Variants in PLEKHG4B observed in about 807,000 individuals in gnomAD.
PLEKHG4B encodes the protein pleckstrin homology and RhoGEF domain containing G4B, also known as pleckstrin homology domain-containing family G member 4B.
A neutral mutation model predicts 121.3 loss-of-function variants in PLEKHG4B; 111 were observed. The observed-to-expected ratio is 0.92, with a 90% CI of 0.78 to 1.07. The LOEUF (loss-of-function observed/expected upper bound fraction) is 1.07, where lower values mean the gene tolerates loss of function less well. PLEKHG4B is among the 50% of genes least tolerant of loss of function. The pLI is 0.00. For synonymous variants in PLEKHG4B, 738 were observed against 725.0 expected (o/e 1.02, Z -0.29); for missense variants, 1,831 against 1,757.8 (o/e 1.04, Z -0.74).
chr5:144,761 G>T (rs926918749), intron 5 of PLEKHG4B, 66 bp from the exon 6 acceptor site: 3 of 1,408,396 alleles, frequency 2.1e-6, no homozygotes, highest in Non-Finnish European at 3.0e-6. Flanking sequence ...CTCAGAGGTG[G>T]AGAAACTCGT....
chr5:98,425 CTTTTTTTTTTTTT>C (rs55733931), intron 1 of PLEKHG4B, among the ~76,000 whole-genome samples: 4 of 46,820 alleles, frequency 8.5e-5, no homozygotes, highest in African/African-American at 3.6e-4. Flanking sequence ...TTTACTGTAG[CTTTTTTTTTTTTT>C]TTTTTTTTTT....
chr5:140,753 C>G (rs749207924), intron 3 of PLEKHG4B, 37 bp downstream of exon 3: 2 of 1,492,610 alleles, frequency 1.3e-6, no homozygotes, highest in Admixed American at 4.4e-5. Flanking sequence ...CGCACCCCCA[C>G]AACCTCCCCT....
rs368216670 is a variant in PLEKHG4B, at chr5:149,570, CA to C, written c.1906-1942del. ...AAAGTAAATAAGAAGACGCTATCAA[CA>C]GAGTAAAAAGGCAGCCCACAGAATG... is the stretch of plus-strand genomic sequence containing the variant. On this transcript the variant is annotated intron_variant, in intron 6 of 19. Transcript: ENST00000637938. Among the ~76,000 whole-genome samples the C allele has an allele frequency of 2.9e-3, 442 of 152,094 alleles. 1 individual carries two copies. The highest frequency in any genetic ancestry group is 9.7e-3 in the African/African-American group (402 of 41,484).
chr5:126,418 A>G (rs1321506191), intron 2 of PLEKHG4B, among the ~76,000 whole-genome samples: 3 of 152,088 alleles, frequency 2.0e-5, no homozygotes, highest in Non-Finnish European at 4.4e-5. Flanking sequence ...TTTTTCATAC[A>G]TCACTTTATT....
rs1178980861 is a variant in PLEKHG4B at position 184,002 on chromosome 5, TA to T, written c.*1680del. On this transcript the variant is annotated 3_prime_UTR_variant, in exon 20 of 20. Transcript: ENST00000637938. ...ATAGATAGATAGATCGATAGATAGA[TA>T]GATAGATAGATAGATAGATAGATAG... The T allele has an allele frequency of 7.1e-6, 1 of 141,108 alleles. No homozygotes were observed. The highest frequency in any genetic ancestry group is 6.9e-5 in the Admixed American group (1 of 14,476). The allele number at this position is 141,108 out of a possible 1,614,324, so 8.7% of individuals were successfully genotyped here.
At chr5:168,552 A>G (rs1736427936) in intron 13 of PLEKHG4B, among the ~76,000 whole-genome samples, 1 of 152,168 alleles carries the variant, frequency 6.6e-6, no homozygotes, top group African/African-American at 2.4e-5. Context: ...CAGAAGCGTC[A>G]CTGCTGGAAG....
intron 2 of PLEKHG4B, among the ~76,000 whole-genome samples, chr5:115,915 C>G (rs1734295152): frequency 6.6e-6 from 1 of 152,218 alleles, no homozygotes; most frequent in South Asian, 2.1e-4. Flanking sequence ...GGCTGTTTCT[C>G]TTTCATATCA....
chr5:152,164 T>A (rs1735626299), intron 7 of PLEKHG4B, among the ~76,000 whole-genome samples: 1 of 152,108 alleles, frequency 6.6e-6, no homozygotes. Context: ...TGAATTCATG[T>A]CTATCACCAC....
At chr5:166,608 A>ACACTAATGCTCTGAC (rs1579317950) in intron 13 of PLEKHG4B, among the ~76,000 whole-genome samples, 15 of 152,060 alleles carry the variant, frequency 9.9e-5, no homozygotes, top group East Asian at 3.9e-4. Context: ...GGCGGAGCTC[A>ACACTAATGCTCTGAC]GGTGGCAACA....
intron 13 of PLEKHG4B, among the ~76,000 whole-genome samples, chr5:164,697 C>CAG (rs374371161): frequency 0.011 from 807 of 73,906 alleles, 37 homozygotes; most frequent in African/African-American, 0.034. Flanking sequence ...GGAGCTCACA[C>CAG]TAATGCTCTG....
At chr5:154,616 C>T (rs1313256528) in intron 7 of PLEKHG4B, among the ~76,000 whole-genome samples, 2 of 147,586 alleles carry the variant, frequency 1.4e-5, no homozygotes, top group Admixed American at 6.7e-5. Flanking sequence ...CCTTTTCCTT[C>T]CTCCCTTTTT....
At position 137,993 on chromosome 5, in the gene PLEKHG4B, T is replaced by C. The variant is rs1261921148; in HGVS notation, c.244-1490T>C. Among the ~76,000 whole-genome samples the C allele has an allele frequency of 2.6e-5, 4 of 152,112 alleles. No homozygotes were observed. Among genetic ancestry groups the C allele is most frequent in the Admixed American group, 2.6e-4 (4 of 15,276 alleles). On this transcript the variant is annotated intron_variant, in intron 2 of 19. Coordinates refer to ENST00000637938, the MANE Select transcript of PLEKHG4B (RefSeq NM_052909.5). This position sits in a 1 kb window ranked among gnomAD's most constrained non-coding sequence, Gnocchi z 4.2. ...TTCTTGAACGGCTTGCTCACCGGTG[T>C]GAGGAACACGCGCAGACGTTTCTGA...
At chr5:155,107 C>T in intron 8 of PLEKHG4B, 116 bp downstream of exon 8, 2 of 972,838 alleles carry the variant, frequency 2.1e-6, no homozygotes, top group South Asian at 2.9e-5. Flanking sequence ...ATGCTTGTTA[C>T]AGTCGCCGTT....
rs905522411 is a variant in PLEKHG4B, at chr5:139,019, C to T, written c.244-464C>T. ...CCCCTCGCTAAGGAGGCCGAGGTAG[C>T]GCCTGCAGCAGCCGGGAGCCACAGG... On this transcript the variant is annotated intron_variant, in intron 2 of 19. Coordinates refer to ENST00000637938, the MANE Select transcript of PLEKHG4B (RefSeq NM_052909.5). The surrounding 1 kb of genome is among the most constrained non-coding windows in gnomAD (Gnocchi z 5.0). 4.6e-5 allele frequency among the ~76,000 whole-genome samples: 7 copies of T among 152,204 alleles called. No homozygotes were observed. The highest frequency in any genetic ancestry group is 1.9e-4 in the East Asian group (1 of 5,202).
Position 144,831 on chromosome 5 carries a change from G to A in PLEKHG4B, c.1816G>A (p.Glu606Lys). ...GGGCTGTCTTTCCCTCCCCAGGAAA[G>A]AGGTCCGGGACCTGGGGCTGGTTGT... is the stretch of plus-strand genomic sequence containing the variant. ...LLYFHSIPRKEVRDLGLVVLV... is the reference protein window; with the variant it reads ...LLYFHSIPRKKVRDLGLVVLV... Residue 606 changes from glutamate (E) to lysine (K), a missense_variant, in exon 6 of 20, where the codon GAG becomes AAG. Physicochemically the swap from Glu to Lys is moderately conservative, Grantham distance 56. Coordinates refer to ENST00000637938, the MANE Select transcript of PLEKHG4B (RefSeq NM_052909.5). 1 of 1,612,988 alleles carries A rather than the reference G, an allele frequency of 6.2e-7. No individual in the cohort carries two copies.
chr5:143,095 A>T lies in PLEKHG4B; in HGVS notation c.1526A>T (p.His509Leu), dbSNP rs745606204. The T allele has an allele frequency of 6.2e-7, 1 of 1,612,974 alleles. No homozygotes were observed. Among genetic ancestry groups the T allele is most frequent in the Non-Finnish European group, 8.5e-7 (1 of 1,180,006 alleles). ...ACVSTDGGSL[H>L]CHNPSGPSDV... is the part of the protein sequence containing the mutation. The stretch of plus-strand genomic sequence containing the variant: ...GTCAGCACAGACGGCGGCAGCCTCC[A>T]TTGCCACAACCCCAGCGGGCCTTCC... The change falls in exon 4 of 20, where the codon CAT becomes CTT. Residue 509 changes from histidine (H) to leucine (L), a missense_variant. By Grantham distance (99) the His-to-Leu change is moderately conservative. Transcript: ENST00000637938.
At chr5:112,894 G>A (rs1453046380) in intron 1 of PLEKHG4B, among the ~76,000 whole-genome samples, 1 of 152,106 alleles carries the variant, frequency 6.6e-6, no homozygotes, top group East Asian at 1.9e-4. Flanking sequence ...TGCTGTTCAG[G>A]TGCAGGGGAT....
chr5:157,573 A>G lies in PLEKHG4B; in HGVS notation c.2487+662A>G, dbSNP rs1735831689. Among the ~76,000 whole-genome samples, 1 of 152,076 alleles carries G rather than the reference A, an allele frequency of 6.6e-6. No individual in the cohort carries two copies. On this transcript the variant is annotated intron_variant, in intron 11 of 19. Coordinates refer to ENST00000637938, the MANE Select transcript of PLEKHG4B (RefSeq NM_052909.5). The surrounding 1 kb of genome is among the most constrained non-coding windows in gnomAD (Gnocchi z 4.6). ...ACACACTGCAGAATCTGGGGTCCAT[A>G]TAGCAGTGGCTCTGAAATGATTGCT...
rs149084144 is a variant in PLEKHG4B, at chr5:121,973, A to G, written c.243+8525A>G. The stretch of plus-strand genomic sequence containing the variant: ...TATTAACTACTTAGATCAGTGTATC[A>G]TGGGGTTTTTAATCAATGTAAAAGT... On this transcript the variant is annotated intron_variant, in intron 2 of 19. Transcript: ENST00000637938. 7.1e-4 allele frequency among the ~76,000 whole-genome samples: 108 copies of G among 152,172 alleles called. 1 individual carries two copies. Among genetic ancestry groups the G allele is most frequent in the African/African-American group, 2.6e-3 (106 of 41,524 alleles).
Sources: allele counts gnomAD v4.1 joint callset (sites outside exome capture counted in the v4.1 genomes callset), GRCh38; gene constraint gnomAD v4.1.1; non-coding constraint Gnocchi (gnomAD v3.1); transcripts MANE v1.5; gene names NCBI Gene and HGNC (gene_info 2026-07-23, HGNC 2026-07-21).